ALG13: variants seen among roughly 807,000 people sequenced by gnomAD.
ALG13 encodes UDP-N-acetylglucosamine transferase subunit ALG13.
Under a neutral mutation model 87.8 loss-of-function variants are expected in ALG13, and 11 were observed. That is an observed-to-expected ratio of 0.13 (90% CI 0.08 to 0.21). The LOEUF is 0.21. ALG13 is among the 10% of genes least tolerant of loss of function. The probability of loss-of-function intolerance (pLI) is 1.00; values close to 1 mark genes in which losing one functional copy is unlikely to be tolerated. For synonymous variants in ALG13, 320 were observed against 306.3 expected (o/e 1.04, Z -0.47); for missense variants, 756 against 866.1 (o/e 0.87, Z 1.60).
rs971329915 is a variant in ALG13, at chrX:111,733,680, G to A, written c.2458-1371G>A. On this transcript the variant is annotated intron_variant, in intron 21 of 26. Coordinates refer to ENST00000394780, the MANE Select transcript of ALG13 (RefSeq NM_001099922.3). The stretch of plus-strand genomic sequence containing the variant: ...CAGGAGTGGGATTGCTGGATCAGAT[G>A]GTAGTTCTACTTTTAGTTCTTTAAG... 2.7e-5 allele frequency among the ~76,000 whole-genome samples: 3 copies of A among 111,018 alleles called. No individual in the cohort carries two copies. In the East Asian group the frequency reaches 8.5e-4, roughly 32 times the overall value.
chrX:111,746,143 A>T (rs1027507576), intron 24 of ALG13, among the ~76,000 whole-genome samples: 4 of 111,980 alleles, frequency 3.6e-5, no homozygotes, highest in African/African-American at 1.3e-4. Flanking sequence ...AAACTTCAGG[A>T]TACATATCAT....
Position 111,744,672 on chromosome X carries a change from T to C in ALG13, c.2700T>C (p.Ile900=). ...TATGTTTTGTTTCTTTGTTAGTGAT[T>C]GCCTCACCATCCTATCCATGCCATT... ...VSPPTHGRPV[I]ASPSYPCHSA... is the part of the protein sequence containing the mutation. Residue 900 remains isoleucine, a synonymous_variant, in exon 24 of 27, where the codon ATT becomes ATC. Transcript: ENST00000394780. 1 of 1,185,604 alleles carries C rather than the reference T, an allele frequency of 8.4e-7. No homozygotes were observed. Among genetic ancestry groups the C allele is most frequent in the Non-Finnish European group, 1.1e-6 (1 of 884,065 alleles).
rs372176416 is a variant in ALG13, at chrX:111,712,487, A to G, written c.889A>G (p.Ser297Gly). 4.5e-5 allele frequency: 53 copies of G among 1,166,867 alleles called. No homozygotes were observed. The highest frequency in any genetic ancestry group is 5.6e-5 in the Non-Finnish European group (49 of 868,437). Residue 297 changes from serine (S) to glycine (G), a missense_variant, in exon 7 of 27, where the codon AGT becomes GGT. Physicochemically the swap from Ser to Gly is moderately conservative, Grantham distance 56. Coordinates refer to ENST00000394780, the MANE Select transcript of ALG13 (RefSeq NM_001099922.3). ...TCAATACACTATTTATGTTTAGGAA[A>G]GTGCTGGCCAGCTGGAAATAAGAGC... The part of the protein sequence containing the change: ...YLERLGDPKE[S>G]AGQLEIRALS...
intron 14 of ALG13, among the ~76,000 whole-genome samples, chrX:111,724,707 C>T (rs182453776): frequency 3.0e-4 from 34 of 112,078 alleles, no homozygotes; most frequent in Admixed American, 2.6e-3. Flanking sequence ...TGAACTAATA[C>T]AGTCTACCAC....
intron 3 of ALG13, among the ~76,000 whole-genome samples, chrX:111,700,751 ATTTT>A (rs772630509): frequency 2.0e-5 from 1 of 50,719 alleles, no homozygotes; most frequent in Non-Finnish European, 4.2e-5. Context: ...TAATTTTTGT[ATTTT>A]TTTTTTTTTT....
intron 3 of ALG13, chrX:111,689,710 G>A: frequency 1.4e-6 from 1 of 704,656 alleles, no homozygotes; most frequent in South Asian, 7.3e-5. Context: ...TTAAAGTATA[G>A]CTTTTGGCAG....
chrX:111,750,343 T>G (rs1944606646), intron 24 of ALG13, among the ~76,000 whole-genome samples: 1 of 111,932 alleles, frequency 8.9e-6, no homozygotes, highest in Admixed American at 9.5e-5. Context: ...GCAACTAACT[T>G]TTTTTCTCTA....
chrX:111,729,346 G>A (rs1447766230), intron 19 of ALG13, among the ~76,000 whole-genome samples: 1 of 111,310 alleles, frequency 9.0e-6, no homozygotes, highest in Non-Finnish European at 1.9e-5. Context: ...CTAATGACTT[G>A]ACTTATGAAT....
In ALG13 at chrX:111,744,767, C is replaced by T. The variant is rs773392173; in HGVS notation, c.2795C>T (p.Pro932Leu). Residue 932 changes from proline (P) to leucine (L), a missense_variant, in exon 24 of 27, where the codon CCA becomes CTA. Physicochemically the swap from Pro to Leu is moderately conservative, Grantham distance 98 (BLOSUM62 -3). This residue lies in a region of ALG13 where 362 missense variants were observed against 383.5 expected (regional missense o/e 0.94). Coordinates refer to ENST00000394780, the MANE Select transcript of ALG13 (RefSeq NM_001099922.3). Reference sequence around the variant, plus strand: ...CCACCACCACCACCACCACCACCACCACCTCCTCCTCCTCCTCCTCCTCCT... The same window carrying T: ...CCACCACCACCACCACCACCACCACTACCTCCTCCTCCTCCTCCTCCTCCT... ...PPPPPPPPPPPPPPPPPPPPP... is the reference protein window; with the variant it reads ...PPPPPPPPPPLPPPPPPPPPP... 3.7e-5 allele frequency: 37 copies of T among 1,001,990 alleles called. No homozygotes were observed. The South Asian group carries it at 7.5e-4, about 20-fold the overall frequency. The allele number at this position is 1,001,990 out of a possible 1,213,427, so 82.6% of individuals were successfully genotyped here.
chrX:111,742,049 G>T (rs1372951857), intron 23 of ALG13, among the ~76,000 whole-genome samples: 1 of 111,666 alleles, frequency 9.0e-6, no homozygotes, highest in African/African-American at 3.2e-5. Context: ...GAAAGATTAC[G>T]ATTTAAATGC....
At position 111,757,722 on chromosome X, in the gene ALG13, G is replaced by A; in HGVS notation, c.3108G>A (p.Val1036=). Residue 1036 remains valine (V), a synonymous_variant, in exon 26 of 27, where the codon GTG becomes GTA. Coordinates refer to ENST00000394780, the MANE Select transcript of ALG13 (RefSeq NM_001099922.3). ...DQTVPQCYSE[V]RREDGIQAEA... ...CCGTTCCTCAATGCTACAGTGAGGT[G>A]AGGAGAGAAGATGGCATACAGGCGG... 1 of 1,210,384 alleles carries A rather than the reference G, an allele frequency of 8.3e-7. No homozygotes were observed. Among genetic ancestry groups the A allele is most frequent in the Non-Finnish European group, 1.1e-6 (1 of 894,782 alleles).
chrX:111,752,059 G>A (rs1944804647), intron 24 of ALG13, among the ~76,000 whole-genome samples: 1 of 111,752 alleles, frequency 8.9e-6, no homozygotes, highest in Non-Finnish European at 1.9e-5. Context: ...TGTCTCAGCA[G>A]GCATCACTAA....
intron 12 of ALG13, among the ~76,000 whole-genome samples, 152 bp downstream of exon 12, chrX:111,721,863 A>C (rs892762897): frequency 4.5e-5 from 5 of 111,889 alleles, no homozygotes; most frequent in African/African-American, 1.6e-4. Context: ...AATCCAAAGG[A>C]GGGAACATAG....
At chrX:111,690,766 C>G (rs1320049121) in intron 3 of ALG13, among the ~76,000 whole-genome samples, 2 of 104,115 alleles carry the variant, frequency 1.9e-5, no homozygotes, top group African/African-American at 8.3e-5. Flanking sequence ...ACTTTGTATT[C>G]TTTTAAAGGC....
At position 111,746,966 on chromosome X, in the gene ALG13, T is replaced by C. The variant is rs149097513; in HGVS notation, c.2932+2062T>C. ...GAGGAAGGCATAGGGATTTCCCATTTTCCACCGGCCCCCACATGTCCGTAG... is the reference window on the plus strand; with the variant it reads ...GAGGAAGGCATAGGGATTTCCCATTCTCCACCGGCCCCCACATGTCCGTAG... On this transcript the variant is annotated intron_variant, in intron 24 of 26. Transcript: ENST00000394780. Among the ~76,000 whole-genome samples the C allele has an allele frequency of 2.2e-3, 250 of 111,577 alleles. 1 individual carries two copies. Among genetic ancestry groups the C allele is most frequent in the African/African-American group, 7.4e-3 (227 of 30,718 alleles).
chrX:111,744,239 C>A (rs1057089272), intron 23 of ALG13, among the ~76,000 whole-genome samples: 2 of 111,765 alleles, frequency 1.8e-5, no homozygotes, highest in African/African-American at 3.3e-5. Context: ...AATCTGTAGT[C>A]TGTGCACTTT....
chrX:111,683,295 TTTTTC>T (rs1933984884), intron 2 of ALG13, among the ~76,000 whole-genome samples: 1 of 108,793 alleles, frequency 9.2e-6, no homozygotes, highest in Non-Finnish European at 1.9e-5. Context: ...TTATGTTCTT[TTTTTC>T]TTTTCTTTTC....
At chrX:111,710,085 A>G (rs1939476005) in intron 5 of ALG13, among the ~76,000 whole-genome samples, 1 of 108,046 alleles carries the variant, frequency 9.3e-6, no homozygotes, top group Non-Finnish European at 1.9e-5. Flanking sequence ...GCTGGAGTGC[A>G]GTGGCAGGAT....
intron 23 of ALG13, among the ~76,000 whole-genome samples, chrX:111,743,588 G>T (rs1490798470): frequency 2.7e-5 from 3 of 111,639 alleles, no homozygotes; most frequent in Non-Finnish European, 5.6e-5. Context: ...ACCTATTACT[G>T]TTAGCCTGTA....
Sources: allele counts gnomAD v4.1 joint callset (sites outside exome capture counted in the v4.1 genomes callset), GRCh38; gene constraint gnomAD v4.1.1; regional missense constraint gnomAD v4.1.1; transcripts MANE v1.5; gene names NCBI Gene and HGNC (gene_info 2026-07-23, HGNC 2026-07-21).